The following NLGN1 variants were observed in gnomAD, a reference collection of about 807,000 sequenced individuals.
NLGN1 encodes the protein neuroligin-1.
NLGN1 carries 12 observed loss-of-function variants against 65.5 expected under a neutral mutation model. The observed-to-expected ratio is 0.18, with a 90% CI of 0.12 to 0.30. The LOEUF is 0.30. Among genes scored for constraint, NLGN1 ranks in the 10% least tolerant of loss-of-function variants. The probability of loss-of-function intolerance (pLI) is 1.00; values close to 1 mark genes in which losing one functional copy is unlikely to be tolerated. For missense variants in NLGN1, 750 were observed against 1,007.1 expected, an observed-to-expected ratio of 0.74 and a Z score of 3.46; for synonymous variants, 350 against 359.5, an observed-to-expected ratio of 0.97 and a Z score of 0.30.
downstream of NLGN1, among the ~76,000 whole-genome samples, chr3:174,291,319 A>G (rs1287777320): frequency 6.6e-6 from 1 of 151,128 alleles, no homozygotes; most frequent in African/African-American, 2.4e-5. Context: ...CAACAAATAC[A>G]ATGAAAGCTG....
intron 3 of NLGN1, among the ~76,000 whole-genome samples, chr3:173,641,329 T>C (rs1254419730): frequency 6.6e-6 from 1 of 152,198 alleles, no homozygotes; most frequent in Admixed American, 6.5e-5. Flanking sequence ...TATTATTATT[T>C]TTTAGATGGA....
chr3:173,916,170 C>T (rs1740688376), intron 4 of NLGN1, among the ~76,000 whole-genome samples: 1 of 152,086 alleles, frequency 6.6e-6, no homozygotes, highest in Non-Finnish European at 1.5e-5. Context: ...TAGCATGTAG[C>T]ACATAGTAAA....
At chr3:173,709,211 G>A (rs908765493) in intron 3 of NLGN1, among the ~76,000 whole-genome samples, 1 of 152,114 alleles carries the variant, frequency 6.6e-6, no homozygotes, top group Non-Finnish European at 1.5e-5. Context: ...GTCAGCCCAG[G>A]GCTCTGTTCT....
Position 173,907,745 on chromosome 3 carries a change from C to A in NLGN1, c.646+99913C>A, listed in dbSNP as rs28675342. ...GATTACAGGCATGCTTCACCACCCC[C>A]GGCTAATTTTTGTATTCTTAGTAGA... On this transcript the variant is annotated intron_variant, in intron 4 of 6. Coordinates refer to ENST00000457714, the Ensembl canonical transcript of NLGN1. Among the ~76,000 whole-genome samples the A allele has an allele frequency of 5.9e-3, 894 of 152,108 alleles. 5 individuals are homozygous for A. The highest frequency in any genetic ancestry group is 0.021 in the African/African-American group (869 of 41,510).
chr3:173,417,264 A>G (rs1013611364), intron 1 of NLGN1, among the ~76,000 whole-genome samples: 8 of 151,996 alleles, frequency 5.3e-5, no homozygotes, highest in Non-Finnish European at 1.5e-5. Flanking sequence ...AGAAGTAGAA[A>G]TGAATTAAAC....
intron 4 of NLGN1, among the ~76,000 whole-genome samples, chr3:174,019,927 A>T (rs1186207715): frequency 6.6e-6 from 1 of 152,130 alleles, no homozygotes; most frequent in Non-Finnish European, 1.5e-5. Flanking sequence ...ATGTCACAAG[A>T]TTGTATGATT....
At chr3:173,700,207 C>T (rs765341651) in intron 3 of NLGN1, among the ~76,000 whole-genome samples, 12 of 152,082 alleles carry the variant, frequency 7.9e-5, no homozygotes, top group Admixed American at 2.6e-4. Flanking sequence ...ATTGTAAATG[C>T]GTTCATATTA....
intron 2 of NLGN1, among the ~76,000 whole-genome samples, chr3:173,603,764 T>C (rs1277881642): frequency 6.6e-6 from 1 of 152,082 alleles, no homozygotes; most frequent in African/African-American, 2.4e-5. Flanking sequence ...AATTTTCTTG[T>C]CCTCATATTA....
chr3:173,517,336 T>C (rs1733966557), intron 2 of NLGN1, among the ~76,000 whole-genome samples: 1 of 151,980 alleles, frequency 6.6e-6, no homozygotes, highest in Admixed American at 6.6e-5. Flanking sequence ...TTGTGGAAGT[T>C]TATTCATAGC....
At chr3:173,941,227 C>T (rs1746032686) in intron 4 of NLGN1, among the ~76,000 whole-genome samples, 1 of 151,874 alleles carries the variant, frequency 6.6e-6, no homozygotes, top group Non-Finnish European at 1.5e-5. Context: ...TTCCAGAACA[C>T]CACCTGAAAT....
At chr3:173,569,634 T>C (rs1323028580) in intron 2 of NLGN1, among the ~76,000 whole-genome samples, 2 of 152,028 alleles carry the variant, frequency 1.3e-5, no homozygotes, top group Non-Finnish European at 2.9e-5. Context: ...ATGCTATTTG[T>C]TTTTCAGATG....
intron 4 of NLGN1, among the ~76,000 whole-genome samples, chr3:174,250,937 T>A (rs1744664298): frequency 6.6e-6 from 1 of 152,136 alleles, no homozygotes; most frequent in Non-Finnish European, 1.5e-5. Context: ...GAGCACAATA[T>A]GACTACACCA....
chr3:173,733,499 T>C (rs895228669), intron 3 of NLGN1, among the ~76,000 whole-genome samples: 1 of 152,096 alleles, frequency 6.6e-6, no homozygotes, highest in Non-Finnish European at 1.5e-5. Flanking sequence ...GGATACACTC[T>C]TTTCTCCACA....
At chr3:173,789,704 G>GTACTGTGGGA (rs2150359250) in intron 3 of NLGN1, 1 of 412,312 alleles carries the variant, frequency 2.4e-6, no homozygotes, top group Non-Finnish European at 4.9e-6. Context: ...AGGCCTCTGT[G>GTACTGTGGGA]TACTGTGGGA....
chr3:173,445,267 C>CAA lies in NLGN1; in HGVS notation c.-321+10216_-321+10217dup, dbSNP rs60140480. On this transcript the variant is annotated intron_variant, in intron 2 of 6. Transcript: ENST00000457714. ...TGGGCGACAGAGCGAGACTCCGTCT[C>CAA]AAAAAAAAAAAAAAAAAAAAAAAAA... 7.6e-3 allele frequency among the ~76,000 whole-genome samples: 787 copies of CAA among 103,414 alleles called. 62 individuals carry two copies. Among genetic ancestry groups the CAA allele is most frequent in the African/African-American group, 0.03 (694 of 23,430 alleles). The allele number at this position is 103,414 out of a possible 152,430, so 67.8% of individuals were successfully genotyped here. A position where few individuals can be genotyped will look rare whatever the true frequency, so the allele number is the denominator to read the frequency against.
Position 174,071,819 on chromosome 3 carries a change from A to G in NLGN1, c.647-203496A>G, listed in dbSNP as rs575424852. ...GTTCATTCCGTTATTTATTATGTAC[A>G]TGTTTTCTGACCGAAACCGTATTCT... On this transcript the variant is annotated intron_variant, in intron 4 of 6. Transcript: ENST00000457714. Among the ~76,000 whole-genome samples, 66 of 152,246 alleles carry G rather than the reference A, an allele frequency of 4.3e-4. No homozygotes were observed. The South Asian group carries it at 4.3e-3, about 10-fold the overall frequency.
intron 4 of NLGN1, among the ~76,000 whole-genome samples, chr3:173,902,784 C>T (rs1469131776): frequency 6.6e-6 from 1 of 151,944 alleles, no homozygotes; most frequent in Non-Finnish European, 1.5e-5. Flanking sequence ...TTCTGTGAGC[C>T]CACAGCATTA....
intron 4 of NLGN1, among the ~76,000 whole-genome samples, chr3:174,127,308 A>G (rs1049309382): frequency 9.2e-5 from 14 of 152,180 alleles, no homozygotes; most frequent in African/African-American, 3.4e-4. Context: ...AGTAGAGTGG[A>G]ACCATGTGAT....
chr3:174,014,548 A>G (rs1002148986), intron 4 of NLGN1, among the ~76,000 whole-genome samples: 10 of 152,146 alleles, frequency 6.6e-5, no homozygotes, highest in African/African-American at 9.7e-5. Flanking sequence ...GCTTATTACC[A>G]TCTTCCCATA....
Sources: allele counts gnomAD v4.1 joint callset (sites outside exome capture counted in the v4.1 genomes callset), GRCh38; gene constraint gnomAD v4.1.1; transcripts MANE v1.5; gene names NCBI Gene and HGNC (gene_info 2026-07-23, HGNC 2026-07-21).